MAP3K2: variants seen among roughly 807,000 people sequenced by gnomAD.
MAP3K2 encodes the protein MAP/ERK kinase kinase 2.
In MAP3K2, 24 loss-of-function variants were observed where a neutral mutation model predicts 80.3. The ratio of observed to expected loss-of-function variants is 0.30; its 90% CI spans 0.22 to 0.42. The LOEUF (loss-of-function observed/expected upper bound fraction) is 0.42, where lower values mean the gene tolerates loss of function less well. MAP3K2 is among the 10% of genes least tolerant of loss of function. The pLI, the probability that MAP3K2 is intolerant of heterozygous loss-of-function variation, is 1.00. For synonymous variants in MAP3K2, 244 were observed against 253.7 expected, an observed-to-expected ratio of 0.96 and a Z score of 0.36; for missense variants, 608 against 750.1, an observed-to-expected ratio of 0.81 and a Z score of 2.21.
chr2:127,376,278 GCC>G (rs1379792454), intron 1 of MAP3K2, among the ~76,000 whole-genome samples: 1 of 114,380 alleles, frequency 8.7e-6, no homozygotes, highest in Non-Finnish European at 1.6e-5. Flanking sequence ...TTGGAACCTG[GCC>G]TTTAATCATC....
intron 1 of MAP3K2, among the ~76,000 whole-genome samples, chr2:127,367,987 T>G (rs938211321): frequency 6.6e-6 from 1 of 152,154 alleles, no homozygotes; most frequent in African/African-American, 2.4e-5. Context: ...CAGGACCCCA[T>G]AGATAACAAA....
intron 3 of MAP3K2, 103 bp downstream of exon 3, chr2:127,338,829 T>C: frequency 1.3e-6 from 1 of 755,936 alleles, no homozygotes; most frequent in East Asian, 2.7e-5. Flanking sequence ...AACAAAATTC[T>C]TGATTCGAAA....
intron 4 of MAP3K2, among the ~76,000 whole-genome samples, chr2:127,336,284 A>G (rs1357344644): frequency 1.3e-5 from 2 of 152,230 alleles, no homozygotes; most frequent in African/African-American, 4.8e-5. Context: ...CAGGAAACTG[A>G]TTAAACTTAA....
chr2:127,338,170 G>GAACAA (rs1479232502), intron 3 of MAP3K2, among the ~76,000 whole-genome samples: 8 of 151,940 alleles, frequency 5.3e-5, no homozygotes, highest in Admixed American at 5.2e-4. Flanking sequence ...ACTATTTGAA[G>GAACAA]AACAAAACAA....
At chr2:127,324,278 G>A (rs1686086930) in intron 9 of MAP3K2, 37 bp from the exon 10 acceptor site, 1 of 1,240,780 alleles carries the variant, frequency 8.1e-7, no homozygotes, top group African/African-American at 1.5e-5. Flanking sequence ...TTTACAGAAA[G>A]AACGTAAGAC....
Position 127,387,642 on chromosome 2 carries a change from A to G in MAP3K2, c.-256T>C, listed in dbSNP as rs2104914084. 5.1e-6 allele frequency: 5 copies of G among 984,576 alleles called. No individual in the cohort carries two copies. Among genetic ancestry groups the G allele is most frequent in the East Asian group, 1.2e-4 (1 of 8,688 alleles). 61.0% of individuals were successfully genotyped at this position (984,576 alleles called of 1,614,324 possible). A position where few individuals can be genotyped will look rare whatever the true frequency, so the allele number is the denominator to read the frequency against. On this transcript the variant is annotated 5_prime_UTR_variant, in exon 1 of 17. An upstream start codon of the reference 5' UTR is lost. Transcript: ENST00000682094. ...GGGGCCAGGCCCGTCCCTCTTTCAC[A>G]TGAAGCCCGGGCCGGGCGGGGTGGC...
intron 1 of MAP3K2, among the ~76,000 whole-genome samples, chr2:127,383,288 C>T (rs1687280639): frequency 6.6e-6 from 1 of 152,174 alleles, no homozygotes; most frequent in South Asian, 2.1e-4. Flanking sequence ...TGTATGGTCA[C>T]TTTGACAAAA....
At chr2:127,349,837 T>G (rs958232640) in intron 1 of MAP3K2, among the ~76,000 whole-genome samples, 1 of 152,114 alleles carries the variant, frequency 6.6e-6, no homozygotes, top group Non-Finnish European at 1.5e-5. Context: ...ATATTCTCTT[T>G]CAATAAAAAT....
intron 1 of MAP3K2, among the ~76,000 whole-genome samples, chr2:127,344,667 C>T (rs990515221): frequency 3.3e-5 from 5 of 151,908 alleles, no homozygotes; most frequent in Non-Finnish European, 7.4e-5. Context: ...GTCTCGAAAA[C>T]ATTTAAAAAA....
In MAP3K2 at chr2:127,364,964, C is replaced by A. The variant is rs560742767; in HGVS notation, c.-65-21770G>T. Reference sequence around the variant, plus strand: ...CCAACATGGCAAAACCCTGTCTCTACTAAAACTACAAAAATTAGCCGGGTG... The same window carrying A: ...CCAACATGGCAAAACCCTGTCTCTAATAAAACTACAAAAATTAGCCGGGTG... On this transcript the variant is annotated intron_variant, in intron 1 of 16. Coordinates refer to ENST00000682094, the MANE Select transcript of MAP3K2 (RefSeq NM_001371910.2). This position sits in a 1 kb window ranked among gnomAD's most constrained non-coding sequence, Gnocchi z 4.1. 1.3e-5 allele frequency among the ~76,000 whole-genome samples: 2 copies of A among 151,832 alleles called. No individual in the cohort carries two copies. Among genetic ancestry groups the A allele is most frequent in the African/African-American group, 4.8e-5 (2 of 41,418 alleles).
At chr2:127,342,741 TA>T (rs1686521457) in intron 2 of MAP3K2, among the ~76,000 whole-genome samples, 1 of 152,184 alleles carries the variant, frequency 6.6e-6, no homozygotes, top group African/African-American at 2.4e-5. Flanking sequence ...TTAGTGTCTT[TA>T]AACTAACATT....
At chr2:127,388,027 C>T (rs1260247431), upstream of MAP3K2, 1 of 983,556 alleles carries the variant, frequency 1.0e-6, no homozygotes, top group African/African-American at 1.8e-5. Context: ...CGCGCGCACC[C>T]CTCCGCCCGG....
chr2:127,362,188 G>A (rs1686903808), intron 1 of MAP3K2, among the ~76,000 whole-genome samples: 1 of 152,220 alleles, frequency 6.6e-6, no homozygotes, highest in Non-Finnish European at 1.5e-5. Context: ...GAACCAGACT[G>A]CTTGGGACTG....
chr2:127,375,355 G>C (rs1215711917), intron 1 of MAP3K2, among the ~76,000 whole-genome samples: 2 of 151,994 alleles, frequency 1.3e-5, no homozygotes, highest in Non-Finnish European at 2.9e-5. Context: ...TCTGGACACA[G>C]ACACCATTCA....
chr2:127,299,173 G>A lies in MAP3K2; in HGVS notation c.*8406C>T, dbSNP rs909252507. ...CTTAGTGACATTCAACTTCAACAGTGGACTTTATTCCTAACACGAGTAATT... is the reference window on the plus strand; with the variant it reads ...CTTAGTGACATTCAACTTCAACAGTAGACTTTATTCCTAACACGAGTAATT... On this transcript the variant is annotated 3_prime_UTR_variant, in exon 17 of 17. Coordinates refer to ENST00000682094, the MANE Select transcript of MAP3K2 (RefSeq NM_001371910.2). 1 of 151,950 alleles carries A rather than the reference G, an allele frequency of 6.6e-6. No homozygotes were observed. The highest frequency in any genetic ancestry group is 1.5e-5 in the Non-Finnish European group (1 of 67,982). The allele number at this position is 151,950 out of a possible 1,614,324, so 9.4% of individuals were successfully genotyped here. A position where few individuals can be genotyped will look rare whatever the true frequency, so the allele number is the denominator to read the frequency against.
At chr2:127,325,418 T>C (rs543394702) in intron 9 of MAP3K2, among the ~76,000 whole-genome samples, 6 of 152,322 alleles carry the variant, frequency 3.9e-5, no homozygotes, top group African/African-American at 9.6e-5. Context: ...GTGGCTCATG[T>C]GTGTAATCCC....
At chr2:127,352,730 G>C (rs1223046241) in intron 1 of MAP3K2, among the ~76,000 whole-genome samples, 10 of 140,218 alleles carry the variant, frequency 7.1e-5, no homozygotes, top group Non-Finnish European at 1.2e-4. Context: ...CTCTTTCCAC[G>C]GTCTCCCTCT....
chr2:127,307,622 G>T lies in MAP3K2; in HGVS notation c.1817C>A (p.Ser606Ter). The change falls in exon 17 of 17, where the codon TCA becomes TAA. Residue 606 changes from serine (S) to a stop codon, truncating the protein, a stop_gained. Coordinates refer to ENST00000682094, the MANE Select transcript of MAP3K2 (RefSeq NM_001371910.2). LOFTEE classifies it high-confidence loss of function. This position sits in a 1 kb window ranked among gnomAD's most constrained non-coding sequence, Gnocchi z 5.4. ...CATGTGCCTTAAGAGTTCATCAGCT[G>T]AAGGTCTCAGTTTGGCCTCTACAAA... The part of the protein sequence containing the change: ...RIFVEAKLRP[S>*]ADELLRHMFV... The T allele has an allele frequency of 6.3e-7, 1 of 1,583,706 alleles. No homozygotes were observed. Among genetic ancestry groups the T allele is most frequent in the East Asian group, 2.3e-5 (1 of 43,756 alleles).
At position 127,321,990 on chromosome 2, in the gene MAP3K2, T is replaced by TA; in HGVS notation, c.1045+55dup. On this transcript the variant is annotated intron_variant, in intron 12 of 16. Coordinates refer to ENST00000682094, the MANE Select transcript of MAP3K2 (RefSeq NM_001371910.2). The surrounding 1 kb of genome is among the most constrained non-coding windows in gnomAD (Gnocchi z 4.4). ...TTAGTATTTATTCCTTTTAATAATA[T>TA]AAAATTCTGCAAAGATTCTGCTCTA... 1 of 1,448,288 alleles carries TA rather than the reference T, an allele frequency of 6.9e-7. No individual in the cohort carries two copies. Among genetic ancestry groups the TA allele is most frequent in the Admixed American group, 2.0e-5 (1 of 51,182 alleles). 89.7% of individuals were successfully genotyped at this position (1,448,288 alleles called of 1,614,324 possible).
Sources: gnomAD v4.1 joint callset for allele counts (sites outside exome capture counted in the v4.1 genomes callset) on GRCh38, gnomAD v4.1.1 for gene constraint, Gnocchi (gnomAD v3.1) non-coding constraint, MANE v1.5 for transcripts, NCBI Gene and HGNC (gene_info 2026-07-23, HGNC 2026-07-21) for gene names.